DPP6: variants seen among roughly 807,000 people sequenced by gnomAD.
DPP6 encodes the protein A-type potassium channel modulatory protein DPP6.
A neutral mutation model predicts 122.6 loss-of-function variants in DPP6; 69 were observed. The observed-to-expected ratio is 0.56, with a 90% CI of 0.46 to 0.69. The LOEUF is 0.69. Among genes scored for constraint, DPP6 ranks in the 30% least tolerant of loss-of-function variants. The pLI, the probability that DPP6 is intolerant of heterozygous loss-of-function variation, is 0.00. For missense variants in DPP6, 928 were observed against 1,116.9 expected, an observed-to-expected ratio of 0.83 and a Z score of 2.41; for synonymous variants, 418 against 433.1, an observed-to-expected ratio of 0.97 and a Z score of 0.43.
At chr7:154,505,949 C>T (rs1264387602) in intron 3 of DPP6, among the ~76,000 whole-genome samples, 1 of 152,010 alleles carries the variant, frequency 6.6e-6, no homozygotes, top group Non-Finnish European at 1.5e-5. Flanking sequence ...TGGAATTCTT[C>T]CATATGGAAG....
chr7:153,883,683 T>C (rs1268076310), upstream of DPP6, among the ~76,000 whole-genome samples: 1 of 152,146 alleles, frequency 6.6e-6, no homozygotes, highest in African/African-American at 2.4e-5. Flanking sequence ...CCTGGACCTG[T>C]CTTTCTTACA....
chr7:154,448,397 C>T (rs972922167), intron 2 of DPP6, among the ~76,000 whole-genome samples: 6 of 151,928 alleles, frequency 3.9e-5, no homozygotes, highest in Non-Finnish European at 8.8e-5. Context: ...GACTTGTGTA[C>T]TAAAACTACA....
chr7:154,477,552 G>C (rs1822859022), intron 3 of DPP6, among the ~76,000 whole-genome samples: 1 of 151,558 alleles, frequency 6.6e-6, no homozygotes. Context: ...AGTATATGTA[G>C]AGATGTGGAG....
chr7:153,869,765 G>A, the DPP6 span, among the ~76,000 whole-genome samples: 1 of 152,084 alleles, frequency 6.6e-6, no homozygotes, highest in East Asian at 1.9e-4. Context: ...TTACAATTTG[G>A]CATGTTTTTG....
chr7:153,808,431 C>T, the DPP6 span, among the ~76,000 whole-genome samples: 1 of 151,094 alleles, frequency 6.6e-6, no homozygotes, highest in Non-Finnish European at 1.5e-5. Context: ...GTGTGTGTGA[C>T]TGTGTGTGTG....
intron 1 of DPP6, among the ~76,000 whole-genome samples, chr7:154,359,375 C>T (rs1811536382): frequency 6.6e-6 from 1 of 152,108 alleles, no homozygotes; most frequent in South Asian, 2.1e-4. Flanking sequence ...GTGAGAAAAC[C>T]AGGATGGGCT....
chr7:154,450,918 T>C (rs1371081863), intron 2 of DPP6, among the ~76,000 whole-genome samples: 1 of 152,248 alleles, frequency 6.6e-6, no homozygotes, highest in Non-Finnish European at 1.5e-5. Context: ...TGTAAGAACA[T>C]GATTACTGCA....
chr7:154,664,083 C>T lies in DPP6; in HGVS notation c.681-5277C>T, dbSNP rs1238077580. ...TGTTCATATAGTCATGGTGAATCAC[C>T]ATGGCGTATCGGCCGTAGTGTTCAT... On this transcript the variant is annotated intron_variant, in intron 6 of 25. Transcript: ENST00000377770. Among the ~76,000 whole-genome samples the T allele has an allele frequency of 3.4e-5, 4 of 117,332 alleles. 1 individual carries two copies. The highest frequency in any genetic ancestry group is 1.0e-4 in the African/African-American group (4 of 38,156). 77.0% of individuals were successfully genotyped at this position (117,332 alleles called of 152,430 possible). A position where few individuals can be genotyped will look rare whatever the true frequency, so the allele number is the denominator to read the frequency against.
At chr7:154,116,224 A>G (rs182526273) in intron 1 of DPP6, among the ~76,000 whole-genome samples, 4 of 152,250 alleles carry the variant, frequency 2.6e-5, no homozygotes, top group Non-Finnish European at 5.9e-5. Context: ...GAAAAATTTC[A>G]TAAAGAGTGG....
At chr7:153,857,083 T>C in the DPP6 span, among the ~76,000 whole-genome samples, 5 of 150,720 alleles carry the variant, frequency 3.3e-5, no homozygotes, top group Non-Finnish European at 7.4e-5. Flanking sequence ...AATATGAAAG[T>C]AAAATGCTCC....
chr7:154,585,719 T>C (rs1832396265), intron 5 of DPP6, among the ~76,000 whole-genome samples: 1 of 152,200 alleles, frequency 6.6e-6, no homozygotes, highest in African/African-American at 2.4e-5. Context: ...GCTTAGGAAA[T>C]AATGACAAGA....
At chr7:154,342,238 G>T (rs1412985317) in intron 1 of DPP6, among the ~76,000 whole-genome samples, 2 of 152,190 alleles carry the variant, frequency 1.3e-5, no homozygotes, top group Non-Finnish European at 2.9e-5. Context: ...GCAGCCCCAG[G>T]ATATCTGATC....
intron 1 of DPP6, among the ~76,000 whole-genome samples, chr7:154,233,245 T>C (rs999246744): frequency 1.3e-5 from 2 of 152,204 alleles, no homozygotes; most frequent in Non-Finnish European, 2.9e-5. Flanking sequence ...ATAAATTCGA[T>C]GTAGCTGTGA....
chr7:153,758,338 G>A, the DPP6 span, among the ~76,000 whole-genome samples: 2 of 152,210 alleles, frequency 1.3e-5, no homozygotes, highest in African/African-American at 4.8e-5. Flanking sequence ...GCAAACACTG[G>A]ATACCATGTT....
At chr7:154,461,973 T>A (rs141319042) in intron 2 of DPP6, among the ~76,000 whole-genome samples, 1 of 152,272 alleles carries the variant, frequency 6.6e-6, no homozygotes, top group African/African-American at 2.4e-5. Context: ...AATTTTTTTT[T>A]AAGTAGTTTC....
chr7:154,523,397 C>G (rs1827155170), intron 3 of DPP6, among the ~76,000 whole-genome samples: 1 of 151,934 alleles, frequency 6.6e-6, no homozygotes, highest in Non-Finnish European at 1.5e-5. Context: ...ATAAATTATA[C>G]TCTCATTTTC....
At position 154,052,614 on chromosome 7, in the gene DPP6, G is replaced by A. The variant is rs1800434522; in HGVS notation, c.-207G>A. The A allele has an allele frequency of 7.9e-7, 1 of 1,259,662 alleles. No homozygotes were observed. The highest frequency in any genetic ancestry group is 1.6e-5 in the African/African-American group (1 of 62,710). The allele number at this position is 1,259,662 out of a possible 1,614,324, so 78.0% of individuals were successfully genotyped here. A position where few individuals can be genotyped will look rare whatever the true frequency, so the allele number is the denominator to read the frequency against. On this transcript the variant is annotated 5_prime_UTR_variant, in exon 1 of 26. Coordinates refer to ENST00000377770, the MANE Select transcript of DPP6 (RefSeq NM_130797.4). This position sits in a 1 kb window ranked among gnomAD's most constrained non-coding sequence, Gnocchi z 4.8. ...CGCCGGGGAGGGGGCGGAGGAGGCT[G>A]AGCCAGGCAGAGTCGCCAGCGGAGA...
chr7:154,419,527 G>A (rs777797149), intron 1 of DPP6, among the ~76,000 whole-genome samples: 16 of 152,196 alleles, frequency 1.1e-4, no homozygotes, highest in African/African-American at 3.6e-4. Context: ...CATTTGCGGG[G>A]AGAGGCGTGC....
chr7:154,056,509 G>A (rs979746775), intron 1 of DPP6, among the ~76,000 whole-genome samples: 4 of 152,060 alleles, frequency 2.6e-5, no homozygotes, highest in Admixed American at 2.6e-4. Context: ...GGCTTTGGAG[G>A]CCTTCTGTAC....
Sources: gnomAD v4.1 joint callset for allele counts (sites outside exome capture counted in the v4.1 genomes callset) on GRCh38, gnomAD v4.1.1 for gene constraint, Gnocchi (gnomAD v3.1) non-coding constraint, MANE v1.5 for transcripts, NCBI Gene and HGNC (gene_info 2026-07-23, HGNC 2026-07-21) for gene names.